SSH1: variants seen among roughly 807,000 people sequenced by gnomAD.
The protein encoded by SSH1 is slingshot protein phosphatase 1, also known as protein phosphatase Slingshot homolog 1.
Under a neutral mutation model 79.7 loss-of-function variants are expected in SSH1, and 43 were observed. That is an observed-to-expected ratio of 0.54 (90% CI 0.42 to 0.70). SSH1 has a LOEUF of 0.70. SSH1 is among the 30% of genes least tolerant of loss of function. SSH1 has a pLI of 0.00. For synonymous variants in SSH1, 599 were observed against 538.3 expected (o/e 1.11, Z -1.56); for missense variants, 1,206 against 1,358.8 (o/e 0.89, Z 1.77).
chr12:108,803,236 G>C (rs2037102450), intron 10 of SSH1, among the ~76,000 whole-genome samples: 1 of 152,070 alleles, frequency 6.6e-6, no homozygotes, highest in African/African-American at 2.4e-5. Context: ...GATCGGGAAT[G>C]CTTTTTTCTT....
intron 2 of SSH1, among the ~76,000 whole-genome samples, chr12:108,830,943 C>A (rs138070135): frequency 6.5e-4 from 99 of 152,226 alleles, no homozygotes; most frequent in African/African-American, 2.3e-3. Context: ...CCGAGACCAA[C>A]CTCAGATCAG....
At position 108,784,728 on chromosome 12, in the gene SSH1, A is replaced by G. The variant is rs2036224447; in HGVS notation, c.*3260T>C. ...AGAGAAGACTTTCCTGTATCAATGC[A>G]AGGTGAAGATGTAGAAAAGTTCAGT... On this transcript the variant is annotated 3_prime_UTR_variant, in exon 15 of 15. Transcript: ENST00000326495. The G allele has an allele frequency of 6.6e-6, 1 of 152,216 alleles. No individual in the cohort carries two copies. Among genetic ancestry groups the G allele is most frequent in the African/African-American group, 2.4e-5 (1 of 41,466 alleles). 9.4% of individuals were successfully genotyped at this position (152,216 alleles called of 1,614,324 possible). A position where few individuals can be genotyped will look rare whatever the true frequency, so the allele number is the denominator to read the frequency against.
Position 108,853,440 on chromosome 12 carries a change from G to A in SSH1, c.70-762C>T, listed in dbSNP as rs961450847. On this transcript the variant is annotated intron_variant, in intron 1 of 14. Coordinates refer to ENST00000326495, the MANE Select transcript of SSH1 (RefSeq NM_018984.4). ...CGCTGGGACTTGGCATGTTTTTTAT[G>A]TTGCACAGAGGCGCCCATTGAATGG... 5 of 751,274 alleles carry A rather than the reference G, an allele frequency of 6.7e-6. No homozygotes were observed. The African/African-American group carries it at 9.5e-5, about 14-fold the overall frequency. The allele number at this position is 751,274 out of a possible 1,614,324, so 46.5% of individuals were successfully genotyped here. A position where few individuals can be genotyped will look rare whatever the true frequency, so the allele number is the denominator to read the frequency against.
At chr12:108,825,580 G>A (rs1287942334) in intron 2 of SSH1, among the ~76,000 whole-genome samples, 1 of 152,174 alleles carries the variant, frequency 6.6e-6, no homozygotes, top group Non-Finnish European at 1.5e-5. Flanking sequence ...TGAATTCCAG[G>A]CAATTGGTTT....
chr12:108,816,912 T>A, intron 5 of SSH1, 126 bp downstream of exon 5: 2 of 1,457,370 alleles, frequency 1.4e-6, no homozygotes, highest in Non-Finnish European at 1.9e-6. Context: ...GTGGCTCGAC[T>A]CCCCAGGCTC....
intron 2 of SSH1, among the ~76,000 whole-genome samples, chr12:108,836,301 T>C (rs1278176535): frequency 1.3e-5 from 2 of 152,150 alleles, no homozygotes; most frequent in Non-Finnish European, 2.9e-5. Context: ...TCCCTAATTC[T>C]GCCCATTGAG....
At position 108,782,906 on chromosome 12, in the gene SSH1, C is replaced by G. The variant is rs1314342471; in HGVS notation, c.*5082G>C. The G allele has an allele frequency of 6.6e-6, 1 of 152,246 alleles. No homozygotes were observed. Among genetic ancestry groups the G allele is most frequent in the Admixed American group, 6.5e-5 (1 of 15,284 alleles). The allele number at this position is 152,246 out of a possible 1,614,324, so 9.4% of individuals were successfully genotyped here. ...TCTTAACGCAATTCACGGGAACCCA[C>G]TGGCAGCTTCTGGAAAACCAAACAA... On this transcript the variant is annotated 3_prime_UTR_variant, in exon 15 of 15. Transcript: ENST00000326495.
intron 1 of SSH1, among the ~76,000 whole-genome samples, chr12:108,855,817 T>C (rs533183889): frequency 1.1e-3 from 166 of 152,126 alleles, no homozygotes; most frequent in Non-Finnish European, 1.7e-3. Flanking sequence ...AGAGGGGGAT[T>C]ACTAGAACCT....
chr12:108,844,310 G>A (rs2038846905), intron 2 of SSH1, among the ~76,000 whole-genome samples: 1 of 152,042 alleles, frequency 6.6e-6, no homozygotes, highest in Non-Finnish European at 1.5e-5. Context: ...TTATTTTTAA[G>A]GCCAGCATGT....
In SSH1 at chr12:108,805,065, A is replaced by G. The variant is rs2037208281; in HGVS notation, c.945T>C (p.His315=). The G allele has an allele frequency of 6.2e-7, 1 of 1,614,228 alleles. No individual in the cohort carries two copies. Among genetic ancestry groups the G allele is most frequent in the Non-Finnish European group, 8.5e-7 (1 of 1,180,022 alleles). ...QMDKPSLIFD[H]LYLGSEWNAS... ...GGGCCATGCCTCTTACGAGATAAAG[A>G]TGATCGAAGATAAGGGAGGGCTTGT... Residue 315 remains histidine, a synonymous_variant, in exon 10 of 15, where the codon CAT becomes CAC. Transcript: ENST00000326495.
intron 2 of SSH1, among the ~76,000 whole-genome samples, chr12:108,831,676 G>A (rs78284734): frequency 8.5e-5 from 13 of 152,330 alleles, no homozygotes; most frequent in Non-Finnish European, 1.9e-4. Flanking sequence ...AGTAAACAGA[G>A]AGGCATAAGG....
At chr12:108,800,648 T>C (rs1261176868) in intron 12 of SSH1, 132 bp downstream of exon 12, 6 of 1,088,482 alleles carry the variant, frequency 5.5e-6, no homozygotes, top group Non-Finnish European at 4.1e-6. Context: ...ACCAGCCAAC[T>C]CCTGCGTCTG....
At chr12:108,825,399 G>A (rs2038273979) in intron 2 of SSH1, among the ~76,000 whole-genome samples, 1 of 152,170 alleles carries the variant, frequency 6.6e-6, no homozygotes, top group South Asian at 2.1e-4. Flanking sequence ...AATGCCACAG[G>A]AACTAGCATT....
intron 12 of SSH1, among the ~76,000 whole-genome samples, chr12:108,799,842 A>G (rs1416025898): frequency 6.6e-6 from 1 of 152,126 alleles, no homozygotes; most frequent in Non-Finnish European, 1.5e-5. Flanking sequence ...GGCCCAGGAG[A>G]CAGTGTTTCT....
At chr12:108,793,267 T>C (rs553249194) in intron 13 of SSH1, among the ~76,000 whole-genome samples, 2 of 152,282 alleles carry the variant, frequency 1.3e-5, no homozygotes, top group South Asian at 4.1e-4. Flanking sequence ...TACACGATAA[T>C]ACAACTATAC....
At chr12:108,792,914 G>C (rs1290404918) in intron 13 of SSH1, 85 bp from the exon 14 acceptor site, 1 of 1,566,082 alleles carries the variant, frequency 6.4e-7, no homozygotes, top group African/African-American at 1.4e-5. Context: ...AGCCAGTGAG[G>C]GGCTGCCCAA....
At chr12:108,849,338 A>T (rs571332728) in intron 2 of SSH1, among the ~76,000 whole-genome samples, 1 of 152,228 alleles carries the variant, frequency 6.6e-6, no homozygotes, top group East Asian at 1.9e-4. Context: ...GGATCACTTA[A>T]GCCCAAGAGT....
At chr12:108,793,376 G>A (rs1443719026) in intron 13 of SSH1, among the ~76,000 whole-genome samples, 1 of 151,046 alleles carries the variant, frequency 6.6e-6, no homozygotes, top group Non-Finnish European at 1.5e-5. Context: ...CTTCTACTAT[G>A]ATGACATTGT....
Position 108,857,544 on chromosome 12 carries a change from G to A in SSH1, c.-48C>T, listed in dbSNP as rs1282109255. Reference sequence around the variant, plus strand: ...GCCACAGACGTCTCGAGCTAGAGCCGCCACCGCCACCGCCGCCCGGGCCGG... The same window carrying A: ...GCCACAGACGTCTCGAGCTAGAGCCACCACCGCCACCGCCGCCCGGGCCGG... On this transcript the variant is annotated 5_prime_UTR_variant, in exon 1 of 15. Transcript: ENST00000326495. The surrounding 1 kb of genome is among the most constrained non-coding windows in gnomAD (Gnocchi z 4.7). 3 of 1,006,494 alleles carry A rather than the reference G, an allele frequency of 3.0e-6. No individual in the cohort carries two copies. The highest frequency in any genetic ancestry group is 6.4e-5 in the South Asian group (2 of 31,066). The allele number at this position is 1,006,494 out of a possible 1,614,324, so 62.3% of individuals were successfully genotyped here. A position where few individuals can be genotyped will look rare whatever the true frequency, so the allele number is the denominator to read the frequency against.
Sources: gnomAD v4.1 joint callset for allele counts (sites outside exome capture counted in the v4.1 genomes callset) on GRCh38, gnomAD v4.1.1 for gene constraint, Gnocchi (gnomAD v3.1) non-coding constraint, MANE v1.5 for transcripts, NCBI Gene and HGNC (gene_info 2026-07-23, HGNC 2026-07-21) for gene names.